Variants in NCS1 observed in about 807,000 individuals in gnomAD.
NCS1 encodes the protein frequenin homolog.
NCS1 carries 6 observed loss-of-function variants against 28.4 expected under a neutral mutation model. The observed-to-expected ratio is 0.21, with a 90% CI of 0.12 to 0.42. NCS1 has a LOEUF of 0.42. Ranked by LOEUF, NCS1 falls within the 10% of genes least tolerant of loss-of-function variation. The probability of loss-of-function intolerance (pLI) is 1.00; values close to 1 mark genes in which losing one functional copy is unlikely to be tolerated. For synonymous variants in NCS1, 86 were observed against 99.3 expected (o/e 0.87, Z 0.79); for missense variants, 131 against 241.4 (o/e 0.54, Z 3.03).
chr9:130,228,675 T>C (rs539443790), intron 7 of NCS1, among the ~76,000 whole-genome samples: 40 of 151,786 alleles, frequency 2.6e-4, no homozygotes, highest in African/African-American at 6.5e-4. Context: ...TTCTTTCTTT[T>C]TTTTTTTTTG....
At chr9:130,185,552 G>A (rs966384403) in intron 1 of NCS1, among the ~76,000 whole-genome samples, 10 of 152,330 alleles carry the variant, frequency 6.6e-5, no homozygotes, top group Admixed American at 2.0e-4. Context: ...TGGGGCTGGG[G>A]AGTTGAGGAG....
chr9:130,229,265 C>CTTT (rs35011671), intron 7 of NCS1, among the ~76,000 whole-genome samples: 1 of 141,650 alleles, frequency 7.1e-6, no homozygotes. Flanking sequence ...ATTAATATTT[C>CTTT]TTTTTTTTTT....
At position 130,191,231 on chromosome 9, in the gene NCS1, C is replaced by T. The variant is rs1223967536; in HGVS notation, c.65-9727C>T. ...GGGTGATCCCTGCTGGACTGTGTGT[C>T]CCAAGCCGAGAGCCTGGCTTTAGAG... On this transcript the variant is annotated intron_variant, in intron 1 of 7. Transcript: ENST00000372398. The surrounding 1 kb of genome is among the most constrained non-coding windows in gnomAD (Gnocchi z 6.4). Among the ~76,000 whole-genome samples, 3 of 152,286 alleles carry T rather than the reference C, an allele frequency of 2.0e-5. No homozygotes were observed. In the East Asian group the frequency reaches 5.8e-4, roughly 29 times the overall value.
rs1302106519 is a variant in NCS1 at position 130,191,344 on chromosome 9, G to C, written c.65-9614G>C. On this transcript the variant is annotated intron_variant, in intron 1 of 7. Transcript: ENST00000372398. This position sits in a 1 kb window ranked among gnomAD's most constrained non-coding sequence, Gnocchi z 6.4. ...GGCTGAAGGTTACCTGGCCTGGCCC[G>C]AGTCTGCCCTCCGGGGCCAGGGACT... 6.6e-6 allele frequency among the ~76,000 whole-genome samples: 1 copy of C among 152,144 alleles called. No homozygotes were observed. Among genetic ancestry groups the C allele is most frequent in the Non-Finnish European group, 1.5e-5 (1 of 68,020 alleles).
At chr9:130,217,288 T>TC (rs1833204336) in intron 2 of NCS1, among the ~76,000 whole-genome samples, 1 of 151,980 alleles carries the variant, frequency 6.6e-6, no homozygotes, top group Admixed American at 6.6e-5. Context: ...ACAGCCAGGA[T>TC]CCCCCCATGC....
chr9:130,212,130 C>T (rs1343063145), intron 2 of NCS1, among the ~76,000 whole-genome samples: 1 of 152,192 alleles, frequency 6.6e-6, no homozygotes, highest in Non-Finnish European at 1.5e-5. Context: ...GGATTGGCCT[C>T]ACCTTCTGGA....
intron 1 of NCS1, among the ~76,000 whole-genome samples, chr9:130,179,025 C>G (rs1554904926): frequency 6.7e-6 from 1 of 149,556 alleles, no homozygotes; most frequent in Non-Finnish European, 1.5e-5. Flanking sequence ...ATCTCCACCT[C>G]CCGGGTTCAA....
chr9:130,228,149 A>G (rs1833444170), intron 7 of NCS1, among the ~76,000 whole-genome samples: 1 of 152,008 alleles, frequency 6.6e-6, no homozygotes, highest in South Asian at 2.1e-4. Context: ...TTTTTATAGC[A>G]TAATCTTGGA....
At chr9:130,194,518 C>A (rs539932829) in intron 1 of NCS1, among the ~76,000 whole-genome samples, 6 of 152,258 alleles carry the variant, frequency 3.9e-5, no homozygotes, top group Admixed American at 6.5e-5. Flanking sequence ...GATGCCCAGC[C>A]CCCCCTCTCC....
In NCS1 at chr9:130,215,905, C is replaced by T. The variant is rs563734509; in HGVS notation, c.90-1927C>T. Among the ~76,000 whole-genome samples the T allele has an allele frequency of 1.3e-5, 2 of 152,248 alleles. No homozygotes were observed. The highest frequency in any genetic ancestry group is 4.8e-5 in the African/African-American group (2 of 41,554). On this transcript the variant is annotated intron_variant, in intron 2 of 7. Coordinates refer to ENST00000372398, the MANE Select transcript of NCS1 (RefSeq NM_014286.4). The surrounding 1 kb of genome is among the most constrained non-coding windows in gnomAD (Gnocchi z 4.2). ...TCTGACTCAAGAAGAACTGCCCTCC[C>T]TCCCACATCCTGCTCCCTCTTCTCT... is the stretch of plus-strand genomic sequence containing the variant.
chr9:130,202,588 T>TTTAC (rs1433709149), intron 2 of NCS1, among the ~76,000 whole-genome samples: 4 of 151,186 alleles, frequency 2.6e-5, no homozygotes, highest in African/African-American at 9.7e-5. Context: ...TGTTTTTTTT[T>TTTAC]TTTTTTTGAG....
At chr9:130,174,786 T>C (rs1359733177) in intron 1 of NCS1, among the ~76,000 whole-genome samples, 1 of 60,934 alleles carries the variant, frequency 1.6e-5, no homozygotes. Flanking sequence ...GGAAACTCTG[T>C]CTCCAAAAAA....
chr9:130,172,441 C>A lies in NCS1; in HGVS notation c.-223C>A, dbSNP rs2097918523. The A allele has an allele frequency of 6.9e-6, 1 of 145,320 alleles. No homozygotes were observed. The highest frequency in any genetic ancestry group is 2.1e-4 in the South Asian group (1 of 4,806). 9.0% of individuals were successfully genotyped at this position (145,320 alleles called of 1,614,324 possible). ...CGACCGCGGCCACACCGCGCCGGCG[C>A]CGGCGCCCAGCCCAGGCAGCCCCGC... On this transcript the variant is annotated 5_prime_UTR_variant, in exon 1 of 8. Transcript: ENST00000372398.
intron 3 of NCS1, among the ~76,000 whole-genome samples, chr9:130,218,484 TG>T (rs1833222182): frequency 6.6e-6 from 1 of 152,246 alleles, no homozygotes; most frequent in African/African-American, 2.4e-5. Context: ...ATGTACACCC[TG>T]ACACTTCTCT....
At chr9:130,200,695 CCAGCAG>C (rs1289374966) in intron 1 of NCS1, 1 of 1,542,672 alleles carries the variant, frequency 6.5e-7, no homozygotes, top group Non-Finnish European at 8.8e-7. Context: ...GGGGGCTCTC[CCAGCAG>C]CGGCAGTGGC....
chr9:130,218,887 G>A (rs1029639493), intron 3 of NCS1, among the ~76,000 whole-genome samples: 2 of 152,078 alleles, frequency 1.3e-5, no homozygotes, highest in Admixed American at 1.3e-4. Context: ...CCCCTTGCCC[G>A]GCCATACATG....
chr9:130,218,797 C>T (rs1185724193), intron 3 of NCS1, among the ~76,000 whole-genome samples: 4 of 152,028 alleles, frequency 2.6e-5, no homozygotes, highest in African/African-American at 7.2e-5. Context: ...CACCGTATTG[C>T]CCAGGCTGGT....
intron 1 of NCS1, among the ~76,000 whole-genome samples, chr9:130,185,280 C>G (rs901946688): frequency 3.3e-5 from 5 of 152,250 alleles, no homozygotes; most frequent in African/African-American, 1.2e-4. Flanking sequence ...CCGGAGTAGC[C>G]CCTGCTCCTA....
In NCS1 at chr9:130,177,795, G is replaced by C. The variant is rs1832595105; in HGVS notation, c.64+5068G>C. Among the ~76,000 whole-genome samples the C allele has an allele frequency of 6.6e-6, 1 of 152,202 alleles. No homozygotes were observed. The highest frequency in any genetic ancestry group is 1.5e-5 in the Non-Finnish European group (1 of 68,042). On this transcript the variant is annotated intron_variant, in intron 1 of 7. Coordinates refer to ENST00000372398, the MANE Select transcript of NCS1 (RefSeq NM_014286.4). This position sits in a 1 kb window ranked among gnomAD's most constrained non-coding sequence, Gnocchi z 4.4. ...AACAGGAGAAGCTTTGCAGTCCGGGGAGCGGGCCAGAAAGACAAAGGGGTT... is the reference window on the plus strand; with the variant it reads ...AACAGGAGAAGCTTTGCAGTCCGGGCAGCGGGCCAGAAAGACAAAGGGGTT...
Sources: gnomAD v4.1 joint callset for allele counts (sites outside exome capture counted in the v4.1 genomes callset) on GRCh38, gnomAD v4.1.1 for gene constraint, Gnocchi (gnomAD v3.1) non-coding constraint, MANE v1.5 for transcripts, NCBI Gene and HGNC (gene_info 2026-07-23, HGNC 2026-07-21) for gene names.